PALM: variants seen among roughly 807,000 people sequenced by gnomAD.
PALM encodes the protein paralemmin, also known as paralemmin-1.
PALM carries 18 observed loss-of-function variants against 30.7 expected under a neutral mutation model. The ratio of observed to expected loss-of-function variants is 0.59; its 90% CI spans 0.41 to 0.87. The LOEUF (loss-of-function observed/expected upper bound fraction) is 0.87. Among genes scored for constraint, PALM ranks in the 40% least tolerant of loss-of-function variants. The pLI is 0.00. For missense variants in PALM, 529 were observed against 555.4 expected (o/e 0.95, Z 0.48); for synonymous variants, 286 against 242.8 (o/e 1.18, Z -1.66).
rs1369771702 is a variant in PALM, at chr19:747,074, G to A, written c.*260G>A. The A allele has an allele frequency of 2.2e-6, 1 of 450,708 alleles. No homozygotes were observed. Among genetic ancestry groups the A allele is most frequent in the Non-Finnish European group, 4.0e-6 (1 of 252,470 alleles). 27.9% of individuals were successfully genotyped at this position (450,708 alleles called of 1,614,324 possible). A position where few individuals can be genotyped will look rare whatever the true frequency, so the allele number is the denominator to read the frequency against. The stretch of plus-strand genomic sequence containing the variant: ...GACAGGACAGACCCGCTTTTCCCGA[G>A]ACAAGGACCCCCCATGTCACGGCAG... On this transcript the variant is annotated 3_prime_UTR_variant, in exon 9 of 9. Coordinates refer to ENST00000338448, the MANE Select transcript of PALM (RefSeq NM_002579.3).
chr19:713,742 C>A (rs1163482311), intron 1 of PALM, among the ~76,000 whole-genome samples: 1 of 151,938 alleles, frequency 6.6e-6, no homozygotes, highest in Non-Finnish European at 1.5e-5. Context: ...CTGCGCCTGG[C>A]TAATTTTTTG....
chr19:723,522 G>T (rs933579926), intron 1 of PALM, among the ~76,000 whole-genome samples: 7 of 152,144 alleles, frequency 4.6e-5, no homozygotes, highest in Non-Finnish European at 1.0e-4. Flanking sequence ...CCTGAGGGTC[G>T]CTGGGAAGGT....
At position 711,236 on chromosome 19, in the gene PALM, C is replaced by T. The variant is rs76502826; in HGVS notation, c.5+2085C>T. The T allele has an allele frequency of 4.2e-3, 4,084 of 967,668 alleles. 133 individuals carry two copies. In the African/African-American group the frequency reaches 0.067, roughly 16 times the overall value. 59.9% of individuals were successfully genotyped at this position (967,668 alleles called of 1,614,324 possible). ...TCCAGGAAGGAGCTGGGGAGAATCT[C>T]TGCTTCGGAGAGAATCTCTGTGCTC... On this transcript the variant is annotated intron_variant, in intron 1 of 8. Transcript: ENST00000338448.
chr19:712,873 G>A lies in PALM; in HGVS notation c.5+3722G>A, dbSNP rs911232620. On this transcript the variant is annotated intron_variant, in intron 1 of 8. Coordinates refer to ENST00000338448, the MANE Select transcript of PALM (RefSeq NM_002579.3). ...GTATTTTTAGTAGAGACAAGGTTTC[G>A]CCATGTTGGGCAGGCTGGTCTCAAA... 4.6e-5 allele frequency among the ~76,000 whole-genome samples: 7 copies of A among 152,036 alleles called. No homozygotes were observed. The East Asian group carries it at 1.4e-3, about 29-fold the overall frequency.
chr19:719,552 C>A, intron 1 of PALM: 1 of 985,656 alleles, frequency 1.0e-6, no homozygotes, highest in Non-Finnish European at 1.2e-6. Context: ...CAGCACCTGC[C>A]CCGGGACCCC....
At chr19:745,249 C>T (rs1325751830) in intron 8 of PALM, among the ~76,000 whole-genome samples, 1 of 152,230 alleles carries the variant, frequency 6.6e-6, no homozygotes, top group East Asian at 1.9e-4. Flanking sequence ...AGAAGAGAAA[C>T]AGGCCCCGAT....
chr19:716,228 A>G (rs1160691164), intron 1 of PALM, among the ~76,000 whole-genome samples: 1 of 152,110 alleles, frequency 6.6e-6, no homozygotes, highest in Non-Finnish European at 1.5e-5. Flanking sequence ...CCTGGTCAAC[A>G]TGGTGAAACC....
chr19:724,003 G>A (rs2032580795), intron 1 of PALM, among the ~76,000 whole-genome samples: 1 of 151,950 alleles, frequency 6.6e-6, no homozygotes, highest in African/African-American at 2.4e-5. Flanking sequence ...TCTAGCAGGT[G>A]GGAGGGGAAG....
intron 1 of PALM, among the ~76,000 whole-genome samples, chr19:710,277 C>T (rs971482760): frequency 3.9e-5 from 6 of 152,226 alleles, no homozygotes; most frequent in Admixed American, 3.3e-4. Context: ...CCCTCCCTCC[C>T]TGGGAAAGCG....
intron 4 of PALM, among the ~76,000 whole-genome samples, chr19:730,654 C>A (rs1380404319): frequency 6.6e-6 from 1 of 152,154 alleles, no homozygotes; most frequent in South Asian, 2.1e-4. Flanking sequence ...GCCTCAGTTT[C>A]CCCCATCATG....
chr19:725,082 G>A (rs928779353), intron 1 of PALM, among the ~76,000 whole-genome samples: 2 of 151,350 alleles, frequency 1.3e-5, no homozygotes, highest in African/African-American at 2.4e-5. Context: ...CAGCCTCCAC[G>A]CCCAGCTAAT....
At chr19:744,424 A>C (rs987425578) in intron 8 of PALM, among the ~76,000 whole-genome samples, 1 of 151,556 alleles carries the variant, frequency 6.6e-6, no homozygotes, top group Non-Finnish European at 1.5e-5. Flanking sequence ...ATAGAAAGTG[A>C]ATAACATCAT....
chr19:734,083 C>T, intron 5 of PALM, 90 bp from the exon 6 acceptor site: 1 of 1,234,294 alleles, frequency 8.1e-7, no homozygotes. Context: ...CCCACTGTGC[C>T]ATGCCCTCCC....
At chr19:720,019 GGAA>G (rs945016224) in intron 1 of PALM, among the ~76,000 whole-genome samples, 1 of 151,908 alleles carries the variant, frequency 6.6e-6, no homozygotes, top group African/African-American at 2.4e-5. Flanking sequence ...CCTCCCGGAT[GGAA>G]GCCCCTTCCT....
At chr19:718,727 G>A (rs2032353932) in intron 1 of PALM, among the ~76,000 whole-genome samples, 2 of 151,730 alleles carry the variant, frequency 1.3e-5, no homozygotes, top group South Asian at 4.2e-4. Flanking sequence ...GGGCTGGGAG[G>A]AGGTTCCTTC....
Position 746,947 on chromosome 19 carries a change from G to A in PALM, c.*133G>A, listed in dbSNP as rs553391008. 2.5e-5 allele frequency: 16 copies of A among 634,854 alleles called. No individual in the cohort carries two copies. The highest frequency in any genetic ancestry group is 1.1e-4 in the East Asian group (4 of 36,194). 39.3% of individuals were successfully genotyped at this position (634,854 alleles called of 1,614,324 possible). A position where few individuals can be genotyped will look rare whatever the true frequency, so the allele number is the denominator to read the frequency against. On this transcript the variant is annotated 3_prime_UTR_variant, in exon 9 of 9. Coordinates refer to ENST00000338448, the MANE Select transcript of PALM (RefSeq NM_002579.3). The surrounding 1 kb of genome is among the most constrained non-coding windows in gnomAD (Gnocchi z 7.1). Reference sequence around the variant, plus strand: ...TGGCGTGTTGTTACATGTTCCTTCCGAGTTTTCTTTCGCTGGAAAGAGGGA... The same window carrying A: ...TGGCGTGTTGTTACATGTTCCTTCCAAGTTTTCTTTCGCTGGAAAGAGGGA...
chr19:723,648 G>GT (rs1237148304), intron 1 of PALM, among the ~76,000 whole-genome samples: 1 of 61,886 alleles, frequency 1.6e-5, no homozygotes, highest in Non-Finnish European at 3.5e-5. Flanking sequence ...CTGGAGTGCA[G>GT]CGCGTGATCT....
intron 1 of PALM, among the ~76,000 whole-genome samples, chr19:713,547 C>T (rs1240799571): frequency 6.6e-6 from 1 of 152,180 alleles, no homozygotes; most frequent in Non-Finnish European, 1.5e-5. Context: ...CCTTAAGGGC[C>T]TCAGATTTTG....
At chr19:711,898 C>G (rs2032091913) in intron 1 of PALM, among the ~76,000 whole-genome samples, 1 of 151,864 alleles carries the variant, frequency 6.6e-6, no homozygotes, top group African/African-American at 2.4e-5. Flanking sequence ...GGGACGACAG[C>G]ATTGCATGGG....
Sources: gnomAD v4.1 joint callset for allele counts (sites outside exome capture counted in the v4.1 genomes callset) on GRCh38, gnomAD v4.1.1 for gene constraint, Gnocchi (gnomAD v3.1) non-coding constraint, MANE v1.5 for transcripts, NCBI Gene and HGNC (gene_info 2026-07-23, HGNC 2026-07-21) for gene names.